The following ZNF362 variants were observed in gnomAD, a reference collection of about 807,000 sequenced individuals.
The protein encoded by ZNF362 is rotund homolog.
In ZNF362, 11 loss-of-function variants were observed where a neutral mutation model predicts 42.9. That is an observed-to-expected ratio of 0.26 (90% confidence interval 0.16 to 0.42). The LOEUF (loss-of-function observed/expected upper bound fraction) is 0.42, where lower values mean the gene tolerates loss of function less well. Among genes scored for constraint, ZNF362 ranks in the 20% least tolerant of loss-of-function variants. ZNF362 has a pLI of 1.00. For missense variants in ZNF362, 362 were observed against 576.2 expected (o/e 0.63, Z 3.81); for synonymous variants, 255 against 257.3 (o/e 0.99, Z 0.09).
At chr1:33,265,796 C>T (rs1483209717) in intron 1 of ZNF362, among the ~76,000 whole-genome samples, 1 of 152,154 alleles carries the variant, frequency 6.6e-6, no homozygotes, top group Admixed American at 6.5e-5. Flanking sequence ...TGCTCAGGGA[C>T]CTCCCATGTC....
chr1:33,268,014 T>C lies in ZNF362; in HGVS notation c.-88-2473T>C, dbSNP rs189797284. Among the ~76,000 whole-genome samples the C allele has an allele frequency of 3.2e-4, 49 of 152,346 alleles. No individual in the cohort carries two copies. In the East Asian group the frequency reaches 6.6e-3, roughly 20 times the overall value. ...AATTTCACCATACCCTCACCAGTAT[T>C]GGGTGTTAGCATTTTCTTATTTCTT... On this transcript the variant is annotated intron_variant, in intron 1 of 8. Coordinates refer to ENST00000539719, the MANE Select transcript of ZNF362 (RefSeq NM_152493.3).
At chr1:33,181,235 G>C in the ZNF362 span, 2 of 1,561,208 alleles carry the variant, frequency 1.3e-6, no homozygotes, top group East Asian at 2.4e-5. This position sits in a 1 kb window ranked among gnomAD's most constrained non-coding sequence, Gnocchi z 6.5. Flanking sequence ...TGGCCAGCTT[G>C]AGGCTGGGCG....
chr1:33,186,177 C>T, the ZNF362 span, among the ~76,000 whole-genome samples: 1 of 152,114 alleles, frequency 6.6e-6, no homozygotes, highest in African/African-American at 2.4e-5. Context: ...CATATGTTCC[C>T]AGCTGAAGGT....
At position 33,281,444 on chromosome 1, in the gene ZNF362, T is replaced by G. The variant is rs1645993588; in HGVS notation, c.684-143T>G. On this transcript the variant is annotated intron_variant, in intron 5 of 8. Transcript: ENST00000539719. This position sits in a 1 kb window ranked among gnomAD's most constrained non-coding sequence, Gnocchi z 4.8. ...GCCCAGGCTGGGAGACTGTCCCCTGTCTTTCCCAGGTGGTCCTGTGCTTCT... is the reference window on the plus strand; with the variant it reads ...GCCCAGGCTGGGAGACTGTCCCCTGGCTTTCCCAGGTGGTCCTGTGCTTCT... The G allele has an allele frequency of 4.0e-6, 3 of 748,218 alleles. No individual in the cohort carries two copies. The highest frequency in any genetic ancestry group is 2.5e-5 in the Admixed American group (1 of 39,906). 46.3% of individuals were successfully genotyped at this position (748,218 alleles called of 1,614,324 possible).
chr1:33,253,471 T>C (rs1019704199), upstream of ZNF362, among the ~76,000 whole-genome samples: 1 of 151,998 alleles, frequency 6.6e-6, no homozygotes, highest in Non-Finnish European at 1.5e-5. Flanking sequence ...GGGAACAGCA[T>C]ATGCAAAGTC....
At chr1:33,250,805 GAGAAGA>G in the ZNF362 span, among the ~76,000 whole-genome samples, 3 of 144,514 alleles carry the variant, frequency 2.1e-5, no homozygotes, top group Admixed American at 7.1e-5. Context: ...GGAGGAGAAG[GAGAAGA>G]AGAAGAAGAG....
At chr1:33,151,647 T>A in the ZNF362 span, among the ~76,000 whole-genome samples, 1 of 152,168 alleles carries the variant, frequency 6.6e-6, no homozygotes, top group African/African-American at 2.4e-5. Flanking sequence ...AGAGCTCATT[T>A]CTAAGTCCCG....
intron 6 of ZNF362, among the ~76,000 whole-genome samples, chr1:33,292,806 TGAG>T (rs1646088765): frequency 6.6e-6 from 1 of 152,038 alleles, no homozygotes; most frequent in Non-Finnish European, 1.5e-5. Context: ...CTAGAGAGAA[TGAG>T]GATGGGATGA....
chr1:33,276,404 C>T lies in ZNF362; in HGVS notation c.159C>T (p.Ile53=), dbSNP rs746914477. The T allele has an allele frequency of 2.7e-5, 43 of 1,581,166 alleles. No homozygotes were observed. The East Asian group carries it at 9.1e-4, about 33-fold the overall frequency. The change falls in exon 4 of 9, where the codon ATC becomes ATT. Residue 53 remains isoleucine, a synonymous_variant. Coordinates refer to ENST00000539719, the MANE Select transcript of ZNF362 (RefSeq NM_152493.3). ...AGGAGCAGCTGATGGCCGAGAAGAT[C>T]AGGCCGCCTCACCTGCCGCCCACGT... ...KIKEQLMAEK[I]RPPHLPPTSA... is the part of the protein sequence containing the mutation.
chr1:33,229,622 G>T, the ZNF362 span, among the ~76,000 whole-genome samples: 1 of 151,184 alleles, frequency 6.6e-6, no homozygotes, highest in Admixed American at 6.6e-5. Context: ...GGCCAGACTG[G>T]TCTCGAACTC....
chr1:33,175,896 C>T, the ZNF362 span, among the ~76,000 whole-genome samples: 3 of 152,116 alleles, frequency 2.0e-5, no homozygotes, highest in African/African-American at 7.2e-5. Context: ...TAGTCCCTAC[C>T]AGGTCTTTTT....
the ZNF362 span, among the ~76,000 whole-genome samples, chr1:33,236,550 A>AAAAAAAATATATATATATATATATAT: frequency 1.7e-4 from 1 of 5,974 alleles, no homozygotes; most frequent in Non-Finnish European, 3.7e-4. Context: ...AAAAAAAAAA[A>AAAAAAAATATATATATATATATATAT]ATATATATAT....
chr1:33,175,206 A>ATT, the ZNF362 span, among the ~76,000 whole-genome samples: 2 of 142,602 alleles, frequency 1.4e-5, no homozygotes, highest in Non-Finnish European at 3.1e-5. Context: ...TGCCCAGCTA[A>ATT]TTTTTTTTTT....
chr1:33,288,765 A>AAAAAAAAAAAAAAAAAAAAAAAAAG (rs1646051958), intron 6 of ZNF362, among the ~76,000 whole-genome samples: 1 of 133,618 alleles, frequency 7.5e-6, no homozygotes. Context: ...AAAAAAAAGA[A>AAAAAAAAAAAAAAAAAAAAAAAAAG]GCGTGACCAC....
At chr1:33,257,426 C>CTTTT (rs921311790) in intron 1 of ZNF362, among the ~76,000 whole-genome samples, 2 of 136,918 alleles carry the variant, frequency 1.5e-5, no homozygotes, top group Non-Finnish European at 3.2e-5. Context: ...TTCTTTCTTT[C>CTTTT]TTTTTTTTTT....
chr1:33,257,256 C>G (rs372252118), intron 1 of ZNF362, among the ~76,000 whole-genome samples: 3 of 151,870 alleles, frequency 2.0e-5, no homozygotes, highest in Admixed American at 2.0e-4. Flanking sequence ...GGCTTTTTTC[C>G]TTTTCTTTGG....
the ZNF362 span, among the ~76,000 whole-genome samples, chr1:33,237,394 A>G: frequency 6.6e-6 from 1 of 152,214 alleles, no homozygotes; most frequent in South Asian, 2.1e-4. Flanking sequence ...TGCAGTCAGG[A>G]CTATCTCACT....
the ZNF362 span, chr1:33,146,070 C>A: frequency 1.1e-5 from 4 of 352,064 alleles, no homozygotes; most frequent in Non-Finnish European, 2.3e-5. Flanking sequence ...TGGCTTCCTG[C>A]AGATGGGGGC....
At chr1:33,150,975 A>G in the ZNF362 span, among the ~76,000 whole-genome samples, 1 of 152,256 alleles carries the variant, frequency 6.6e-6, no homozygotes, top group African/African-American at 2.4e-5. Context: ...GAGACCAGCA[A>G]CAGGCAGCAA....
Sources: allele counts gnomAD v4.1 joint callset (sites outside exome capture counted in the v4.1 genomes callset), GRCh38; gene constraint gnomAD v4.1.1; non-coding constraint Gnocchi (gnomAD v3.1); transcripts MANE v1.5; gene names NCBI Gene and HGNC (gene_info 2026-07-23, HGNC 2026-07-21).